Variants in FGR observed in about 807,000 individuals in gnomAD.
FGR encodes the protein FGR proto-oncogene, Src family tyrosine kinase.
FGR carries 26 observed loss-of-function variants against 63.2 expected under a neutral mutation model. That is an observed-to-expected ratio of 0.41 (90% confidence interval 0.30 to 0.57). The LOEUF (loss-of-function observed/expected upper bound fraction) is 0.57. Among genes scored for constraint, FGR ranks in the 20% least tolerant of loss-of-function variants. The probability of loss-of-function intolerance (pLI) is 0.27; values close to 1 mark genes in which losing one functional copy is unlikely to be tolerated. For synonymous variants in FGR, 286 were observed against 277.7 expected (o/e 1.03, Z -0.30); for missense variants, 511 against 690.8 (o/e 0.74, Z 2.92).
chr1:27,625,447 C>T lies in FGR; in HGVS notation c.-76-296G>A, dbSNP rs116099056. Among the ~76,000 whole-genome samples, 586 of 152,340 alleles carry T rather than the reference C, an allele frequency of 3.8e-3. 4 individuals carry two copies. The highest frequency in any genetic ancestry group is 0.013 in the African/African-American group (552 of 41,568). ...GAGTGTGCGTGCCAACCCCATCACA[C>T]GCCAATACAGGCTCTAACAAGCCCA... On this transcript the variant is annotated intron_variant, in intron 1 of 12. Transcript: ENST00000374005.
At chr1:27,633,132 C>G (rs2090130241) in intron 1 of FGR, among the ~76,000 whole-genome samples, 1 of 152,146 alleles carries the variant, frequency 6.6e-6, no homozygotes, top group Non-Finnish European at 1.5e-5. Context: ...AGGAAGTAGT[C>G]ATGAAGCCCC....
At chr1:27,632,753 G>A (rs931231608) in intron 1 of FGR, among the ~76,000 whole-genome samples, 6 of 152,136 alleles carry the variant, frequency 3.9e-5, no homozygotes, top group Non-Finnish European at 8.8e-5. Context: ...GGCGGGGGGC[G>A]GGGGTCCAGG....
rs544543087 is a variant in FGR at position 27,627,967 on chromosome 1, A to C, written c.-76-2816T>G. 3.9e-5 allele frequency among the ~76,000 whole-genome samples: 6 copies of C among 152,206 alleles called. No homozygotes were observed. The East Asian group carries it at 1.2e-3, about 30-fold the overall frequency. Reference sequence around the variant, plus strand: ...CACAGAGAGGTTTGGAAACCTGCCCAGGGTTGGCCAGTCACAGTGGCTCAT... The same window carrying C: ...CACAGAGAGGTTTGGAAACCTGCCCCGGGTTGGCCAGTCACAGTGGCTCAT... On this transcript the variant is annotated intron_variant, in intron 1 of 12. Transcript: ENST00000374005.
At chr1:27,632,747 G>C (rs1202413612) in intron 1 of FGR, among the ~76,000 whole-genome samples, 1 of 152,066 alleles carries the variant, frequency 6.6e-6, no homozygotes, top group East Asian at 1.9e-4. Flanking sequence ...CATGGCGGCG[G>C]GGGGCGGGGG....
At chr1:27,623,395 G>A in intron 3 of FGR, 1 of 597,100 alleles carries the variant, frequency 1.7e-6, no homozygotes, top group Non-Finnish European at 3.0e-6. Context: ...CCACCAAGAA[G>A]ACTTCCCATC....
chr1:27,620,582 A>T (rs1571390592), intron 5 of FGR, among the ~76,000 whole-genome samples: 2 of 151,994 alleles, frequency 1.3e-5, no homozygotes, highest in Non-Finnish European at 2.9e-5. Flanking sequence ...ATGTCACTGT[A>T]CCCCAGCCTG....
intron 5 of FGR, among the ~76,000 whole-genome samples, chr1:27,618,578 A>G (rs2089859975): frequency 6.6e-6 from 1 of 152,082 alleles, no homozygotes; most frequent in East Asian, 1.9e-4. Context: ...AGCTCCCCAC[A>G]AACCTCCTGT....
intron 5 of FGR, 113 bp downstream of exon 5, chr1:27,621,446 T>G: frequency 1.4e-6 from 1 of 706,062 alleles, no homozygotes. Context: ...TACAAAATTA[T>G]TAGATAAGGA....
At position 27,621,563 on chromosome 1, in the gene FGR, C is replaced by A. The variant is rs1557733735; in HGVS notation, c.424G>T (p.Glu142Ter). 1 of 1,612,932 alleles carries A rather than the reference C, an allele frequency of 6.2e-7. No individual in the cohort carries two copies. The highest frequency in any genetic ancestry group is 8.5e-7 in the Non-Finnish European group (1 of 1,179,168). The change falls in exon 5 of 13, where the codon GAA (glutamate) becomes TAA (stop). Residue 142 changes from glutamate to a stop codon, truncating the protein, a stop_gained. Transcript: ENST00000374005. LOFTEE classifies it high-confidence loss of function. ...CTTGCCCCAATCCCTACTTACTCTT[C>A]AGCTTGGATTGAGTCAACAGGGGCC... is the stretch of plus-strand genomic sequence containing the variant. ...YVAPVDSIQAEEWYFGKIGRK... is the reference protein window; with the variant it reads ...YVAPVDSIQA
Position 27,617,111 on chromosome 1 carries a change from T to C in FGR, c.532+82A>G, listed in dbSNP as rs2089828402. On this transcript the variant is annotated intron_variant, in intron 6 of 12. Transcript: ENST00000374005. This position sits in a 1 kb window ranked among gnomAD's most constrained non-coding sequence, Gnocchi z 4.5. ...CTAGGACCTGGTCCCAGTCTTGGCC[T>C]TAACCCAAGCAGCCTACCGCTCCTA... is the stretch of plus-strand genomic sequence containing the variant. 1.0e-5 allele frequency: 16 copies of C among 1,599,778 alleles called. No individual in the cohort carries two copies. Among genetic ancestry groups the C allele is most frequent in the Non-Finnish European group, 1.3e-5 (15 of 1,169,024 alleles).
At chr1:27,624,909 G>T (rs1343821396) in intron 2 of FGR, among the ~76,000 whole-genome samples, 180 bp downstream of exon 2, 1 of 152,098 alleles carries the variant, frequency 6.6e-6, no homozygotes, top group Non-Finnish European at 1.5e-5. Context: ...GGGGATCAAG[G>T]CCATTTCCTG....
At position 27,617,374 on chromosome 1, in the gene FGR, G is replaced by A. The variant is rs1196872650; in HGVS notation, c.429-78C>T. ...AGCCTCCTGCACAGTCACCTCACAA[G>A]CCAAGACTCCATTTTCCCCATGTGT... is the stretch of plus-strand genomic sequence containing the variant. On this transcript the variant is annotated intron_variant, in intron 5 of 12. Transcript: ENST00000374005. This position sits in a 1 kb window ranked among gnomAD's most constrained non-coding sequence, Gnocchi z 4.5. 8 of 990,300 alleles carry A rather than the reference G, an allele frequency of 8.1e-6. No homozygotes were observed. The highest frequency in any genetic ancestry group is 2.4e-5 in the East Asian group (1 of 41,468). 61.3% of individuals were successfully genotyped at this position (990,300 alleles called of 1,614,324 possible).
intron 11 of FGR, 151 bp downstream of exon 11, chr1:27,614,278 CT>C: frequency 1.1e-6 from 1 of 897,908 alleles, no homozygotes; most frequent in South Asian, 1.8e-5. Flanking sequence ...AGTGGCCGAC[CT>C]GGGATTTGAG....
intron 3 of FGR, 150 bp from the exon 4 acceptor site, chr1:27,623,294 T>C (rs2089963987): frequency 1.6e-6 from 1 of 628,098 alleles, no homozygotes; most frequent in Non-Finnish European, 2.9e-6. Flanking sequence ...CCAAGGAATT[T>C]CTGATTTGGT....
Position 27,616,733 on chromosome 1 carries a change from T to G in FGR, c.682+124A>C. On this transcript the variant is annotated intron_variant, in intron 7 of 12. Transcript: ENST00000374005. The surrounding 1 kb of genome is among the most constrained non-coding windows in gnomAD (Gnocchi z 4.3). ...GATCCTGGGCTGGCAGACCCCATCC[T>G]TGGGTTCTGGTTTCCGTCTGGCCAA... 1.9e-6 allele frequency: 2 copies of G among 1,055,036 alleles called. No homozygotes were observed. The highest frequency in any genetic ancestry group is 2.0e-5 in the Admixed American group (1 of 48,848). The allele number at this position is 1,055,036 out of a possible 1,614,324, so 65.4% of individuals were successfully genotyped here.
intron 11 of FGR, 86 bp from the exon 12 acceptor site, chr1:27,613,436 C>T (rs2089735007): frequency 6.8e-7 from 1 of 1,474,496 alleles, no homozygotes. Flanking sequence ...GGCGCAGTGG[C>T]TCACGTCTGT....
chr1:27,623,491 G>T (rs1410817392), intron 3 of FGR, 200 bp downstream of exon 3: 5 of 656,120 alleles, frequency 7.6e-6, no homozygotes, highest in Non-Finnish European at 1.4e-5. Context: ...ACTGGGAGTA[G>T]AGCTTCTTGA....
intron 1 of FGR, among the ~76,000 whole-genome samples, chr1:27,632,843 G>A (rs962706793): frequency 3.3e-5 from 5 of 152,250 alleles, no homozygotes; most frequent in Admixed American, 2.0e-4. Context: ...GGGGAGTGGG[G>A]CGGTGAGGGG....
At chr1:27,632,511 A>C (rs1571411062) in intron 1 of FGR, among the ~76,000 whole-genome samples, 1 of 151,544 alleles carries the variant, frequency 6.6e-6, no homozygotes, top group African/African-American at 2.4e-5. Context: ...AGACATACCC[A>C]CCCAACCCTG....
Sources: gnomAD v4.1 joint callset for allele counts (sites outside exome capture counted in the v4.1 genomes callset) on GRCh38, gnomAD v4.1.1 for gene constraint, Gnocchi (gnomAD v3.1) non-coding constraint, MANE v1.5 for transcripts, NCBI Gene and HGNC (gene_info 2026-07-23, HGNC 2026-07-21) for gene names.